Variants in CNTNAP2 observed in about 807,000 individuals in gnomAD.
The protein encoded by CNTNAP2 is contactin-associated protein-like 2.
CNTNAP2 carries 98 observed loss-of-function variants against 155.2 expected under a neutral mutation model. That is an observed-to-expected ratio of 0.63 (90% CI 0.54 to 0.75). The LOEUF (loss-of-function observed/expected upper bound fraction) is 0.75, where lower values mean the gene tolerates loss of function less well. CNTNAP2 is among the 30% of genes least tolerant of loss of function. CNTNAP2 has a pLI of 0.00. For missense variants in CNTNAP2, 1,727 were observed against 1,688.1 expected, an observed-to-expected ratio of 1.02 and a Z score of -0.40; for synonymous variants, 651 against 631.2, an observed-to-expected ratio of 1.03 and a Z score of -0.47.
intron 1 of CNTNAP2, among the ~76,000 whole-genome samples, chr7:146,711,444 A>G (rs1444845956): frequency 6.8e-6 from 1 of 147,892 alleles, no homozygotes; most frequent in Non-Finnish European, 1.5e-5. Flanking sequence ...ATAGGTATAT[A>G]TGTTCATATT....
intron 1 of CNTNAP2, among the ~76,000 whole-genome samples, chr7:146,341,820 A>G (rs1187851135): frequency 6.6e-6 from 1 of 152,182 alleles, no homozygotes; most frequent in Non-Finnish European, 1.5e-5. Flanking sequence ...TAGTTTAAAA[A>G]GTTTTATGCC....
intron 20 of CNTNAP2, among the ~76,000 whole-genome samples, chr7:148,231,504 CTG>C (rs1285652139): frequency 6.6e-6 from 1 of 152,206 alleles, no homozygotes; most frequent in Non-Finnish European, 1.5e-5. Context: ...AGAATTAAAA[CTG>C]TGGACTAGAA....
At chr7:146,366,815 C>T (rs547104194) in intron 1 of CNTNAP2, among the ~76,000 whole-genome samples, 3 of 152,094 alleles carry the variant, frequency 2.0e-5, no homozygotes, top group Non-Finnish European at 2.9e-5. Flanking sequence ...AGAAGTTGTA[C>T]TTCACAGGCA....
chr7:146,695,020 A>C (rs895000302), intron 1 of CNTNAP2, among the ~76,000 whole-genome samples: 2 of 152,176 alleles, frequency 1.3e-5, no homozygotes, highest in African/African-American at 4.8e-5. Context: ...ATAGGTAATC[A>C]TGACATTTGC....
Position 146,926,248 on chromosome 7 carries a change from C to T in CNTNAP2, c.402+86344C>T, listed in dbSNP as rs73461502. ...TATATTAAAACCAATCTGCTGTGTA[C>T]ATTTGTGTGTGTGTGTGTGTGATTC... On this transcript the variant is annotated intron_variant, in intron 3 of 23. Coordinates refer to ENST00000361727, the MANE Select transcript of CNTNAP2 (RefSeq NM_014141.6). Among the ~76,000 whole-genome samples, 396 of 150,764 alleles carry T rather than the reference C, an allele frequency of 2.6e-3. 1 individual carries two copies. The highest frequency in any genetic ancestry group is 9.1e-3 in the African/African-American group (372 of 40,706).
intron 1 of CNTNAP2, among the ~76,000 whole-genome samples, chr7:146,255,799 C>A (rs142107842): frequency 6.6e-5 from 10 of 152,138 alleles, no homozygotes; most frequent in African/African-American, 2.4e-4. Flanking sequence ...GTGTAAGGGC[C>A]GGTTCCAGAG....
At chr7:148,187,147 C>CAA (rs1554401892) in intron 18 of CNTNAP2, among the ~76,000 whole-genome samples, 4,531 of 67,128 alleles carry the variant, frequency 0.067, 477 homozygotes, top group African/African-American at 0.11. Context: ...CACACACACA[C>CAA]AAACAGAGCC....
intron 8 of CNTNAP2, among the ~76,000 whole-genome samples, chr7:147,237,849 A>G (rs1238790320): frequency 6.6e-6 from 1 of 152,250 alleles, no homozygotes; most frequent in Non-Finnish European, 1.5e-5. Flanking sequence ...CTGTTCATTG[A>G]AACAGTCCTG....
chr7:147,696,466 A>G (rs1427297001), intron 13 of CNTNAP2, among the ~76,000 whole-genome samples: 1 of 152,170 alleles, frequency 6.6e-6, no homozygotes. Context: ...ATAACAAAAT[A>G]TTTTGAATCC....
At chr7:147,517,789 C>T (rs1468686656) in intron 11 of CNTNAP2, among the ~76,000 whole-genome samples, 1 of 149,564 alleles carries the variant, frequency 6.7e-6, no homozygotes, top group Non-Finnish European at 1.5e-5. Flanking sequence ...TAAAAAGTCT[C>T]AAGTAACAAT....
intron 21 of CNTNAP2, among the ~76,000 whole-genome samples, chr7:148,295,512 G>A (rs2116488676): frequency 6.8e-6 from 1 of 147,634 alleles, no homozygotes; most frequent in African/African-American, 2.5e-5. Flanking sequence ...TTTTTTTTGA[G>A]ACGGAGTCTC....
At position 146,343,082 on chromosome 7, in the gene CNTNAP2, T is replaced by G. The variant is rs971937225; in HGVS notation, c.97+226109T>G. On this transcript the variant is annotated intron_variant, in intron 1 of 23. Transcript: ENST00000361727. ...TACTGTGTTTGGTAAAGAAGGTTGT[T>G]TTTTTTTTGTTTGTTTTTTGTTTTC... Among the ~76,000 whole-genome samples the G allele has an allele frequency of 1.3e-4, 19 of 151,186 alleles. No individual in the cohort carries two copies. In the East Asian group the frequency reaches 2.5e-3, roughly 20 times the overall value.
chr7:148,383,120 C>G (rs1005431670), intron 21 of CNTNAP2, among the ~76,000 whole-genome samples: 2 of 151,442 alleles, frequency 1.3e-5, no homozygotes, highest in Non-Finnish European at 2.9e-5. Flanking sequence ...CTGTAAATCT[C>G]AGAATTCCAA....
intron 8 of CNTNAP2, among the ~76,000 whole-genome samples, chr7:147,263,205 A>G (rs1160825076): frequency 6.6e-6 from 1 of 152,064 alleles, no homozygotes; most frequent in East Asian, 1.9e-4. Context: ...AAGGTTAGCC[A>G]GGCATGGTAG....
intron 6 of CNTNAP2, 174 bp downstream of exon 6, chr7:147,121,337 T>G (rs1801107376): frequency 3.2e-6 from 2 of 634,610 alleles, no homozygotes; most frequent in Non-Finnish European, 5.3e-6. Flanking sequence ...ATTTCTAAAT[T>G]TATAATCATG....
rs116854659 is a variant in CNTNAP2 at position 146,331,587 on chromosome 7, G to A, written c.97+214614G>A. On this transcript the variant is annotated intron_variant, in intron 1 of 23. Transcript: ENST00000361727. Reference sequence around the variant, plus strand: ...GGTCTGGGTTTGTTGTGGGATGGTGGGTTCTGGGCATCATACTTTCTCCAT... The same window carrying A: ...GGTCTGGGTTTGTTGTGGGATGGTGAGTTCTGGGCATCATACTTTCTCCAT... 1.2e-3 allele frequency among the ~76,000 whole-genome samples: 180 copies of A among 152,162 alleles called. 3 individuals are homozygous for A. The East Asian group carries it at 0.033, about 28-fold the overall frequency.
intron 1 of CNTNAP2, among the ~76,000 whole-genome samples, chr7:146,711,267 TATA>T (rs1419569205): frequency 4.8e-5 from 7 of 146,852 alleles, no homozygotes; most frequent in South Asian, 2.1e-4. Context: ...CATATAAATA[TATA>T]ATATATAATA....
intron 9 of CNTNAP2, among the ~76,000 whole-genome samples, chr7:147,333,004 T>C (rs1455541831): frequency 6.6e-6 from 1 of 152,186 alleles, no homozygotes; most frequent in Non-Finnish European, 1.5e-5. Context: ...CAGTCTTTAA[T>C]ATACAAGGGA....
rs1396651426 is a variant in CNTNAP2, at chr7:148,415,678, A to G, written c.*62A>G. 1.3e-6 allele frequency: 2 copies of G among 1,586,012 alleles called. No individual in the cohort carries two copies. Among genetic ancestry groups the G allele is most frequent in the Admixed American group, 1.7e-5 (1 of 59,334 alleles). On this transcript the variant is annotated 3_prime_UTR_variant, in exon 24 of 24. Coordinates refer to ENST00000361727, the MANE Select transcript of CNTNAP2 (RefSeq NM_014141.6). ...ATTACTAGGGAGGAGAGAAAGGGAC[A>G]AAAGCACCCTGCTTCATACTCTTGA... is the stretch of plus-strand genomic sequence containing the variant.
Sources: gnomAD v4.1 joint callset for allele counts (sites outside exome capture counted in the v4.1 genomes callset) on GRCh38, gnomAD v4.1.1 for gene constraint, MANE v1.5 for transcripts, NCBI Gene and HGNC (gene_info 2026-07-23, HGNC 2026-07-21) for gene names.